Variants in RGS6 observed in about 807,000 individuals in gnomAD.
RGS6 encodes regulator of G-protein signaling 6.
RGS6 carries 30 observed loss-of-function variants against 78.5 expected under a neutral mutation model. The observed-to-expected ratio is 0.38, with a 90% CI of 0.29 to 0.52. RGS6 has a LOEUF of 0.52. Among genes scored for constraint, RGS6 ranks in the 20% least tolerant of loss-of-function variants. The probability of loss-of-function intolerance (pLI) is 0.85; values close to 1 mark genes in which losing one functional copy is unlikely to be tolerated. For missense variants in RGS6, 495 were observed against 609.7 expected (o/e 0.81, Z 1.98); for synonymous variants, 206 against 206.0 (o/e 1.00, Z 0.00).
intron 12 of RGS6, among the ~76,000 whole-genome samples, chr14:72,494,214 G>C (rs938818403): frequency 6.6e-6 from 1 of 152,184 alleles, no homozygotes; most frequent in Non-Finnish European, 1.5e-5. Flanking sequence ...AAAGTAGTAT[G>C]ATATTTAGCT....
chr14:72,201,433 G>A (rs8006075), intron 2 of RGS6, among the ~76,000 whole-genome samples: 3 of 152,124 alleles, frequency 2.0e-5, no homozygotes, highest in Non-Finnish European at 2.9e-5. Flanking sequence ...ATGGAGAAAC[G>A]GGGGAATTCT....
At chr14:72,498,132 C>T (rs1937608441) in intron 13 of RGS6, among the ~76,000 whole-genome samples, 1 of 152,122 alleles carries the variant, frequency 6.6e-6, no homozygotes, top group African/African-American at 2.4e-5. Context: ...TTTTCATTTC[C>T]AAGACTTCTT....
the RGS6 span, among the ~76,000 whole-genome samples, chr14:72,611,801 G>T: frequency 1.3e-5 from 2 of 152,086 alleles, no homozygotes; most frequent in African/African-American, 4.8e-5. Context: ...CGACCCCTCA[G>T]CCTCCACAGG....
At chr14:72,465,894 A>ATT in intron 7 of RGS6, 72 bp downstream of exon 7, 22 of 1,195,224 alleles carry the variant, frequency 1.8e-5, no homozygotes, top group African/African-American at 3.1e-5. Flanking sequence ...GTCTAAGTTT[A>ATT]TTTTTTTTTT....
chr14:72,116,595 A>T (rs1435437647), intron 2 of RGS6, among the ~76,000 whole-genome samples: 1 of 152,052 alleles, frequency 6.6e-6, no homozygotes, highest in African/African-American at 2.4e-5. Context: ...AATCATCCTC[A>T]GTTGAGAACC....
intron 2 of RGS6, chr14:72,022,329 T>TTAA (rs1567038780): frequency 1.3e-5 from 2 of 152,206 alleles, no homozygotes; most frequent in Non-Finnish European, 2.9e-5. Flanking sequence ...ATAGTTCTGC[T>TTAA]TTTAGCTCTC....
intron 12 of RGS6, among the ~76,000 whole-genome samples, chr14:72,486,633 A>T (rs1375049605): frequency 2.6e-5 from 4 of 152,126 alleles, no homozygotes; most frequent in Non-Finnish European, 5.9e-5. Context: ...CTCCATTTGG[A>T]TCTCCTTTCA....
chr14:72,420,656 G>C (rs2094125917), intron 3 of RGS6, among the ~76,000 whole-genome samples: 1 of 151,950 alleles, frequency 6.6e-6, no homozygotes, highest in Non-Finnish European at 1.5e-5. Context: ...GAAGGTCCAA[G>C]AACACTTTTA....
At chr14:72,486,788 G>C (rs576876577) in intron 12 of RGS6, among the ~76,000 whole-genome samples, 1 of 152,088 alleles carries the variant, frequency 6.6e-6, no homozygotes, top group Non-Finnish European at 1.5e-5. Flanking sequence ...CAGGCATAAG[G>C]CACCTCCAGC....
chr14:72,216,625 C>T (rs2045636882), intron 2 of RGS6, among the ~76,000 whole-genome samples: 2 of 152,130 alleles, frequency 1.3e-5, no homozygotes, highest in African/African-American at 4.8e-5. Context: ...AATTTTGGTT[C>T]TAAGGAAAAT....
intron 11 of RGS6, 108 bp downstream of exon 11, chr14:72,476,948 A>G: frequency 1.1e-6 from 1 of 930,982 alleles, no homozygotes; most frequent in Non-Finnish European, 1.7e-6. Flanking sequence ...CCTGGAAACC[A>G]CAGTGGAACC....
chr14:72,375,536 C>T (rs112699158), intron 3 of RGS6, among the ~76,000 whole-genome samples: 1,999 of 152,254 alleles, frequency 0.013, 17 homozygotes, highest in South Asian at 0.021. Context: ...TCCTGGCAAG[C>T]ATGCCCCCAG....
At chr14:71,961,274 A>G (rs941575618) in intron 1 of RGS6, among the ~76,000 whole-genome samples, 3 of 152,158 alleles carry the variant, frequency 2.0e-5, no homozygotes, top group African/African-American at 7.2e-5. Flanking sequence ...CCTTTGAAGG[A>G]AAGTTAGAAA....
rs116182606 is a variant in RGS6 at position 72,300,790 on chromosome 14, A to G, written c.85-51305A>G. Among the ~76,000 whole-genome samples the G allele has an allele frequency of 5.9e-3, 898 of 152,298 alleles. 5 individuals carry two copies. Among genetic ancestry groups the G allele is most frequent in the African/African-American group, 0.021 (871 of 41,568 alleles). On this transcript the variant is annotated intron_variant, in intron 2 of 17. Transcript: ENST00000553525. ...GTAAATGTTTGTCAAAAGGAGCTGA[A>G]GTGTATACCGTTTCTTTGACTTCTT...
chr14:72,071,538 G>C (rs1312786340), intron 2 of RGS6, among the ~76,000 whole-genome samples: 2 of 152,152 alleles, frequency 1.3e-5, no homozygotes, highest in African/African-American at 4.8e-5. Context: ...GAGTTTCTGT[G>C]GCTCCATGTC....
intron 12 of RGS6, among the ~76,000 whole-genome samples, chr14:72,493,682 T>C (rs1237873177): frequency 6.6e-6 from 1 of 152,084 alleles, no homozygotes; most frequent in Non-Finnish European, 1.5e-5. Context: ...AAGAGATGAT[T>C]CTAAGTTGAC....
intron 2 of RGS6, among the ~76,000 whole-genome samples, chr14:72,064,666 T>C (rs945686086): frequency 1.3e-5 from 2 of 152,352 alleles, no homozygotes; most frequent in African/African-American, 4.8e-5. Context: ...GTCATTTCAG[T>C]TGGGCCACCA....
chr14:72,579,816 A>C, the RGS6 span, among the ~76,000 whole-genome samples: 1 of 152,228 alleles, frequency 6.6e-6, no homozygotes, highest in South Asian at 2.1e-4. Flanking sequence ...GCCCACCTGG[A>C]GGCCACTGAA....
At chr14:72,026,854 C>T (rs534989062) in intron 2 of RGS6, among the ~76,000 whole-genome samples, 11 of 152,284 alleles carry the variant, frequency 7.2e-5, no homozygotes, top group African/African-American at 2.6e-4. Flanking sequence ...TGTATGGCTA[C>T]AGAGACAATA....
Sources: gnomAD v4.1 joint callset for allele counts (sites outside exome capture counted in the v4.1 genomes callset) on GRCh38, gnomAD v4.1.1 for gene constraint, MANE v1.5 for transcripts, NCBI Gene and HGNC (gene_info 2026-07-23, HGNC 2026-07-21) for gene names.